The following NLGN1 variants were observed in gnomAD, a reference collection of about 807,000 sequenced individuals.
The protein encoded by NLGN1 is neuroligin 1.
NLGN1 carries 12 observed loss-of-function variants against 65.5 expected under a neutral mutation model. That is an observed-to-expected ratio of 0.18 (90% CI 0.12 to 0.30). The LOEUF (loss-of-function observed/expected upper bound fraction) is 0.30. Ranked by LOEUF, NLGN1 falls within the 10% of genes least tolerant of loss-of-function variation. NLGN1 has a pLI of 1.00. For synonymous variants in NLGN1, 350 were observed against 359.5 expected, an observed-to-expected ratio of 0.97 and a Z score of 0.30; for missense variants, 750 against 1,007.1, an observed-to-expected ratio of 0.74 and a Z score of 3.46.
At chr3:173,747,407 T>A (rs1197698582) in intron 3 of NLGN1, among the ~76,000 whole-genome samples, 1 of 146,884 alleles carries the variant, frequency 6.8e-6, no homozygotes, top group African/African-American at 2.5e-5. Context: ...AATATATATA[T>A]AATATATTTA....
rs554726773 is a variant in NLGN1, at chr3:173,979,175, G to A, written c.646+171343G>A. On this transcript the variant is annotated intron_variant, in intron 4 of 6. Coordinates refer to ENST00000457714, the Ensembl canonical transcript of NLGN1. Reference sequence around the variant, plus strand: ...AGTAAATTGAGGAGTGAATGGGGAAGCAAGAACTGTGGAGGGCTTGGTTAG... The same window carrying A: ...AGTAAATTGAGGAGTGAATGGGGAAACAAGAACTGTGGAGGGCTTGGTTAG... 3.3e-5 allele frequency among the ~76,000 whole-genome samples: 5 copies of A among 152,098 alleles called. No individual in the cohort carries two copies. In the South Asian group the frequency reaches 1.0e-3, roughly 32 times the overall value.
chr3:174,120,592 A>G (rs1561090319), intron 4 of NLGN1, among the ~76,000 whole-genome samples: 2 of 152,192 alleles, frequency 1.3e-5, no homozygotes, highest in East Asian at 3.8e-4. Context: ...TTGACTCATA[A>G]AAAATATTTA....
At chr3:173,891,657 A>G (rs1270317451) in intron 4 of NLGN1, among the ~76,000 whole-genome samples, 2 of 152,176 alleles carry the variant, frequency 1.3e-5, no homozygotes, top group African/African-American at 2.4e-5. Flanking sequence ...CCTCCCTAGC[A>G]CAACTCTAAA....
intron 2 of NLGN1, among the ~76,000 whole-genome samples, chr3:173,496,210 TC>T (rs1729999846): frequency 6.6e-6 from 1 of 151,768 alleles, no homozygotes; most frequent in Non-Finnish European, 1.5e-5. Flanking sequence ...ATTTAGTCAG[TC>T]CTTTATTGAG....
At chr3:173,519,964 A>C (rs1034824776) in intron 2 of NLGN1, among the ~76,000 whole-genome samples, 1 of 152,126 alleles carries the variant, frequency 6.6e-6, no homozygotes, top group Non-Finnish European at 1.5e-5. Flanking sequence ...ACCTGGTAGA[A>C]TCATGGGACG....
At chr3:173,512,315 C>A (rs970683856) in intron 2 of NLGN1, among the ~76,000 whole-genome samples, 1 of 152,034 alleles carries the variant, frequency 6.6e-6, no homozygotes, top group South Asian at 2.1e-4. Flanking sequence ...GTCACATGGA[C>A]GAATTGAAAG....
At chr3:174,193,524 G>A (rs142743545) in intron 4 of NLGN1, among the ~76,000 whole-genome samples, 22 of 152,214 alleles carry the variant, frequency 1.4e-4, no homozygotes, top group African/African-American at 5.1e-4. Flanking sequence ...TTTGTCAGAG[G>A]CCACACACAC....
At chr3:173,413,303 T>A (rs2148659068) in intron 1 of NLGN1, among the ~76,000 whole-genome samples, 1 of 152,238 alleles carries the variant, frequency 6.6e-6, no homozygotes, top group African/African-American at 2.4e-5. Flanking sequence ...ATTTTAATTT[T>A]AAAAATGAGA....
intron 2 of NLGN1, among the ~76,000 whole-genome samples, chr3:173,539,920 CGT>C (rs143354352): frequency 0.09 from 12,696 of 140,758 alleles, 1,727 homozygotes; most frequent in African/African-American, 0.3. Context: ...ATATAACATA[CGT>C]GTGTGTGTGT....
At chr3:173,796,823 A>G (rs1714187072) in intron 3 of NLGN1, among the ~76,000 whole-genome samples, 2 of 152,182 alleles carry the variant, frequency 1.3e-5, no homozygotes, top group Admixed American at 6.6e-5. Flanking sequence ...TTCTATTTGA[A>G]GGATAAATGT....
intron 3 of NLGN1, among the ~76,000 whole-genome samples, chr3:173,634,434 AATACTT>A (rs1162566385): frequency 2.0e-5 from 3 of 152,126 alleles, no homozygotes; most frequent in African/African-American, 7.2e-5. Flanking sequence ...GCATATTTCA[AATACTT>A]ATATGCATTA....
At chr3:174,209,811 G>A (rs1465259158) in intron 4 of NLGN1, among the ~76,000 whole-genome samples, 2 of 151,158 alleles carry the variant, frequency 1.3e-5, no homozygotes, top group African/African-American at 2.4e-5. Flanking sequence ...TTTTGTATTT[G>A]TGGTAGGGAC....
intron 4 of NLGN1, among the ~76,000 whole-genome samples, chr3:174,008,239 A>T (rs998716532): frequency 4.6e-5 from 7 of 152,102 alleles, no homozygotes; most frequent in Non-Finnish European, 8.8e-5. Flanking sequence ...AATATCTCTT[A>T]AAACTCCTGC....
At chr3:173,606,723 C>T (rs1230345027) in intron 3 of NLGN1, among the ~76,000 whole-genome samples, 1 of 151,870 alleles carries the variant, frequency 6.6e-6, no homozygotes, top group Non-Finnish European at 1.5e-5. Context: ...TTTGTCTTTG[C>T]TGTTATTTCT....
chr3:174,001,988 A>G (rs1723384955), intron 4 of NLGN1, among the ~76,000 whole-genome samples: 1 of 152,000 alleles, frequency 6.6e-6, no homozygotes, highest in Non-Finnish European at 1.5e-5. Flanking sequence ...AAAAGATGCC[A>G]TAGAAATATG....
chr3:174,197,796 G>T (rs1489378071), intron 4 of NLGN1, among the ~76,000 whole-genome samples: 2 of 123,422 alleles, frequency 1.6e-5, no homozygotes, highest in African/African-American at 3.0e-5. Context: ...AAGTTAATCT[G>T]TCCTAAAAAC....
chr3:173,710,596 C>G (rs182810695), intron 3 of NLGN1, among the ~76,000 whole-genome samples: 1 of 152,178 alleles, frequency 6.6e-6, no homozygotes, highest in East Asian at 1.9e-4. Flanking sequence ...ACTGAATGCC[C>G]CACAGCACAC....
chr3:174,159,291 G>T (rs529317562), intron 4 of NLGN1, among the ~76,000 whole-genome samples: 5 of 151,474 alleles, frequency 3.3e-5, no homozygotes, highest in Admixed American at 6.6e-5. Context: ...GTTAAATTTT[G>T]GTCCATTTTT....
At chr3:173,616,000 G>A (rs568830476) in intron 3 of NLGN1, among the ~76,000 whole-genome samples, 3 of 152,206 alleles carry the variant, frequency 2.0e-5, no homozygotes, top group African/African-American at 7.2e-5. Context: ...TCACTGTCTT[G>A]TGGGGGAGGC....
Sources: gnomAD v4.1 joint callset for allele counts (sites outside exome capture counted in the v4.1 genomes callset) on GRCh38, gnomAD v4.1.1 for gene constraint, MANE v1.5 for transcripts, NCBI Gene and HGNC (gene_info 2026-07-23, HGNC 2026-07-21) for gene names.